SGCZ: variants seen among roughly 807,000 people sequenced by gnomAD.
SGCZ encodes zeta-sarcoglycan.
In SGCZ, 40 loss-of-function variants were observed where a neutral mutation model predicts 41.3. The observed-to-expected ratio is 0.97, with a 90% CI of 0.75 to 1.26. The LOEUF is 1.26. Among genes scored for constraint, SGCZ ranks in the 50% most tolerant of loss-of-function variants. The pLI, the probability that SGCZ is intolerant of heterozygous loss-of-function variation, is 0.00. For synonymous variants in SGCZ, 206 were observed against 137.5 expected (o/e 1.50, Z -3.49); for missense variants, 552 against 369.8 (o/e 1.49, Z -4.04).
intron 2 of SGCZ, among the ~76,000 whole-genome samples, chr8:14,467,405 G>A (rs1801082399): frequency 6.6e-6 from 1 of 152,008 alleles, no homozygotes; most frequent in African/African-American, 2.4e-5. Context: ...ATAATCAGAA[G>A]CAATAATCAC....
intron 1 of SGCZ, among the ~76,000 whole-genome samples, chr8:14,878,560 T>G (rs1804457350): frequency 6.6e-6 from 1 of 152,158 alleles, no homozygotes; most frequent in South Asian, 2.1e-4. Flanking sequence ...ATATTGAAGT[T>G]GAATGTCGAT....
chr8:14,423,208 T>C (rs1479435590), intron 2 of SGCZ, among the ~76,000 whole-genome samples: 1 of 151,858 alleles, frequency 6.6e-6, no homozygotes, highest in Non-Finnish European at 1.5e-5. Flanking sequence ...ATATACCTAA[T>C]GCTAAATGAC....
At chr8:14,312,760 C>A (rs77190265) in intron 3 of SGCZ, among the ~76,000 whole-genome samples, 1 of 152,090 alleles carries the variant, frequency 6.6e-6, no homozygotes, top group Non-Finnish European at 1.5e-5. Flanking sequence ...AAATTCCTAT[C>A]CACTGGAGAG....
At chr8:14,240,327 C>CAAAAAAAAAAAAAAAAAAAA (rs59351247) in intron 3 of SGCZ, among the ~76,000 whole-genome samples, 29 of 115,218 alleles carry the variant, frequency 2.5e-4, no homozygotes, top group Non-Finnish European at 4.2e-4. Flanking sequence ...AACTCTGTGT[C>CAAAAAAAAAAAAAAAAAAAA]AAAAAAAAAA....
chr8:14,786,745 T>G (rs995569142), intron 1 of SGCZ, among the ~76,000 whole-genome samples: 15 of 150,526 alleles, frequency 1.0e-4, no homozygotes, highest in African/African-American at 3.4e-4. Flanking sequence ...GAAATTACAA[T>G]GAATATGTCA....
intron 3 of SGCZ, among the ~76,000 whole-genome samples, chr8:14,270,914 G>A (rs920091459): frequency 6.6e-6 from 1 of 152,068 alleles, no homozygotes; most frequent in African/African-American, 2.4e-5. Flanking sequence ...GGATGAAGCT[G>A]GAAACCATCA....
chr8:14,842,952 C>T (rs998959819), intron 1 of SGCZ, among the ~76,000 whole-genome samples: 4 of 152,160 alleles, frequency 2.6e-5, no homozygotes, highest in African/African-American at 9.7e-5. Context: ...GTGGCTCATG[C>T]CTGTAATCCC....
intron 1 of SGCZ, among the ~76,000 whole-genome samples, chr8:14,660,914 T>A (rs1807726541): frequency 6.6e-6 from 1 of 152,148 alleles, no homozygotes; most frequent in Non-Finnish European, 1.5e-5. Context: ...TTTCAAAATT[T>A]TGTTTAGGCT....
intron 3 of SGCZ, among the ~76,000 whole-genome samples, chr8:14,316,052 T>C (rs908375708): frequency 2.0e-5 from 3 of 151,986 alleles, no homozygotes; most frequent in East Asian, 1.9e-4. Flanking sequence ...ATTAGTCAAA[T>C]ATTTTGAGTC....
chr8:14,923,645 G>C (rs1403611130), intron 1 of SGCZ, among the ~76,000 whole-genome samples: 1 of 152,174 alleles, frequency 6.6e-6, no homozygotes, highest in Non-Finnish European at 1.5e-5. Flanking sequence ...ACAATTTAAA[G>C]TACATTGGAA....
intron 1 of SGCZ, among the ~76,000 whole-genome samples, chr8:14,607,586 C>A (rs994754689): frequency 1.3e-5 from 2 of 152,030 alleles, no homozygotes; most frequent in Non-Finnish European, 2.9e-5. Context: ...GAATGCTGCC[C>A]AAATTGACAA....
intron 1 of SGCZ, among the ~76,000 whole-genome samples, chr8:14,657,392 A>T (rs1807610561): frequency 6.6e-6 from 1 of 152,126 alleles, no homozygotes; most frequent in East Asian, 1.9e-4. Flanking sequence ...CAATACGCAT[A>T]TTTGACAGCT....
intron 1 of SGCZ, among the ~76,000 whole-genome samples, chr8:14,852,506 C>G (rs1803366637): frequency 6.6e-6 from 1 of 152,128 alleles, no homozygotes; most frequent in South Asian, 2.1e-4. Context: ...ATTAATTCAA[C>G]AAAAGTTGCC....
At chr8:14,956,830 T>C (rs1800809400) in intron 1 of SGCZ, among the ~76,000 whole-genome samples, 1 of 152,218 alleles carries the variant, frequency 6.6e-6, no homozygotes. Flanking sequence ...TAATAATACA[T>C]TTCTACCAGT....
intron 4 of SGCZ, among the ~76,000 whole-genome samples, chr8:14,219,940 T>G (rs545459814): frequency 6.6e-6 from 1 of 152,280 alleles, no homozygotes; most frequent in South Asian, 2.1e-4. Flanking sequence ...CAGATTTTAA[T>G]CTCACAGGAA....
intron 1 of SGCZ, among the ~76,000 whole-genome samples, chr8:14,969,655 T>C (rs993567183): frequency 2.0e-5 from 3 of 152,116 alleles, no homozygotes; most frequent in East Asian, 1.9e-4. Flanking sequence ...CATTTCCTTG[T>C]CTGGCTTCTT....
intron 2 of SGCZ, among the ~76,000 whole-genome samples, chr8:14,521,879 A>G (rs1802800979): frequency 6.6e-6 from 1 of 152,108 alleles, no homozygotes; most frequent in African/African-American, 2.4e-5. Flanking sequence ...ATCAAGCATA[A>G]TGCTAGCTGT....
intron 1 of SGCZ, among the ~76,000 whole-genome samples, chr8:15,223,805 T>G (rs928224106): frequency 6.6e-6 from 1 of 152,148 alleles, no homozygotes; most frequent in Admixed American, 6.5e-5. Context: ...AGAAAAAGTA[T>G]AGCAAAATCA....
chr8:15,085,934 C>T (rs1051683330), intron 1 of SGCZ, among the ~76,000 whole-genome samples: 2 of 152,142 alleles, frequency 1.3e-5, no homozygotes, highest in Admixed American at 1.3e-4. Context: ...ATGTGGGTTT[C>T]TGATGTTCCC....
Sources: allele counts gnomAD v4.1 joint callset (sites outside exome capture counted in the v4.1 genomes callset), GRCh38; gene constraint gnomAD v4.1.1; transcripts MANE v1.5; gene names NCBI Gene and HGNC (gene_info 2026-07-23, HGNC 2026-07-21).